The following AOAH variants were observed in gnomAD, a reference collection of about 807,000 sequenced individuals.
The protein encoded by AOAH is acyloxyacyl hydrolase, also known as acyloxyacyl hydrolase (neutrophil).
AOAH carries 64 observed loss-of-function variants against 92.2 expected under a neutral mutation model. That is an observed-to-expected ratio of 0.69 (90% CI 0.57 to 0.86). The LOEUF (loss-of-function observed/expected upper bound fraction) is 0.86. AOAH is among the 40% of genes least tolerant of loss of function. AOAH has a pLI of 0.00. For synonymous variants in AOAH, 263 were observed against 254.5 expected, an observed-to-expected ratio of 1.03 and a Z score of -0.32; for missense variants, 656 against 694.6, an observed-to-expected ratio of 0.94 and a Z score of 0.62.
intron 13 of AOAH, among the ~76,000 whole-genome samples, chr7:36,565,347 C>T (rs952935858): frequency 6.6e-6 from 1 of 152,146 alleles, no homozygotes; most frequent in Non-Finnish European, 1.5e-5. Context: ...GTTGGGCTCA[C>T]CAGATATTTA....
chr7:36,662,150 C>T (rs1795251380), intron 3 of AOAH, among the ~76,000 whole-genome samples: 1 of 152,140 alleles, frequency 6.6e-6, no homozygotes, highest in South Asian at 2.1e-4. Flanking sequence ...TGAAGCCCAT[C>T]ACAGAAAGGG....
intron 13 of AOAH, among the ~76,000 whole-genome samples, chr7:36,575,181 A>G (rs1450671884): frequency 1.3e-5 from 2 of 152,224 alleles, no homozygotes; most frequent in Admixed American, 1.3e-4. Context: ...GTAACTGTCC[A>G]TTAACTATTG....
chr7:36,570,791 TGGCAAGCTGGA>T (rs1788087157), intron 13 of AOAH, among the ~76,000 whole-genome samples: 1 of 152,194 alleles, frequency 6.6e-6, no homozygotes, highest in Admixed American at 6.5e-5. Context: ...GTTTTTCAGT[TGGCAAGCTGGA>T]TTCAGTTGGA....
At chr7:36,597,704 T>C (rs1790234414) in intron 11 of AOAH, 1 of 152,230 alleles carries the variant, frequency 6.6e-6, no homozygotes, top group Admixed American at 6.5e-5. Flanking sequence ...AGGTTTCTGA[T>C]TCTGTCTGGG....
chr7:36,700,309 T>C (rs1050842744), intron 1 of AOAH, among the ~76,000 whole-genome samples: 5 of 152,046 alleles, frequency 3.3e-5, no homozygotes, highest in Non-Finnish European at 7.4e-5. Context: ...ATTAAGTAAT[T>C]TCTCTTTCCT....
In AOAH at chr7:36,637,823, G is replaced by A. The variant is rs114359291; in HGVS notation, c.450+28C>T. 2,367 of 1,608,852 alleles carry A rather than the reference G, an allele frequency of 1.5e-3. 32 individuals are homozygous for A. In the African/African-American group the frequency reaches 0.029, roughly 19 times the overall value. Reference sequence around the variant, plus strand: ...TGAGAGAGGACATGCCAAGGAAAAGGCTGGCGTTCTACGTGCTTAGTGCTT... The same window carrying A: ...TGAGAGAGGACATGCCAAGGAAAAGACTGGCGTTCTACGTGCTTAGTGCTT... On this transcript the variant is annotated intron_variant, in intron 5 of 20. Transcript: ENST00000617537.
chr7:36,688,367 T>G (rs1797168181), intron 1 of AOAH, among the ~76,000 whole-genome samples: 1 of 152,190 alleles, frequency 6.6e-6, no homozygotes, highest in African/African-American at 2.4e-5. Context: ...ATAACCAATT[T>G]CACTTTTATT....
chr7:36,714,911 C>G (rs1272678007), intron 1 of AOAH, among the ~76,000 whole-genome samples: 2 of 152,140 alleles, frequency 1.3e-5, no homozygotes, highest in Non-Finnish European at 2.9e-5. Context: ...CCTTTGAAAA[C>G]GGGCATAAGA....
chr7:36,584,130 A>G (rs1315073450), intron 12 of AOAH, among the ~76,000 whole-genome samples: 1 of 152,242 alleles, frequency 6.6e-6, no homozygotes, highest in Non-Finnish European at 1.5e-5. Context: ...AGGATATACA[A>G]TGCTTTTTCG....
intron 20 of AOAH, among the ~76,000 whole-genome samples, chr7:36,518,807 A>T (rs984563172): frequency 6.6e-6 from 1 of 152,318 alleles, no homozygotes; most frequent in South Asian, 2.1e-4. Flanking sequence ...GTAATACAGC[A>T]TGATGCTTTA....
chr7:36,607,090 C>T (rs2115792803), intron 11 of AOAH, among the ~76,000 whole-genome samples: 2 of 152,276 alleles, frequency 1.3e-5, no homozygotes, highest in East Asian at 3.9e-4. Context: ...ACTACTTAAG[C>T]AGAGGATGGC....
chr7:36,517,170 C>CTTTG (rs1783780829), intron 20 of AOAH, among the ~76,000 whole-genome samples: 2 of 49,354 alleles, frequency 4.1e-5, no homozygotes, highest in African/African-American at 1.4e-4. Context: ...TTCTTTCTTT[C>CTTTG]TTTCTTTCTT....
intron 13 of AOAH, among the ~76,000 whole-genome samples, chr7:36,555,557 AT>A (rs1786641375): frequency 6.6e-6 from 1 of 152,106 alleles, no homozygotes; most frequent in Non-Finnish European, 1.5e-5. Flanking sequence ...TTCAGAAGGA[AT>A]GGTACCAGTT....
At chr7:36,529,928 A>G (rs1187094823) in intron 19 of AOAH, among the ~76,000 whole-genome samples, 1 of 152,212 alleles carries the variant, frequency 6.6e-6, no homozygotes, top group Non-Finnish European at 1.5e-5. Context: ...TCACTTTGCC[A>G]TGGGCAAGTT....
At chr7:36,532,078 G>A in intron 18 of AOAH, 69 bp downstream of exon 18, 1 of 1,578,830 alleles carries the variant, frequency 6.3e-7, no homozygotes, top group Non-Finnish European at 8.7e-7. Flanking sequence ...CATCCCCAGT[G>A]AAAACTCTGC....
intron 1 of AOAH, among the ~76,000 whole-genome samples, chr7:36,719,513 G>C (rs528002615): frequency 3.9e-5 from 6 of 152,314 alleles, no homozygotes; most frequent in African/African-American, 1.2e-4. Flanking sequence ...TCTTCCATGT[G>C]TTGGGAAGGT....
intron 19 of AOAH, among the ~76,000 whole-genome samples, chr7:36,525,703 G>A (rs763181172): frequency 1.3e-5 from 2 of 152,184 alleles, no homozygotes; most frequent in Admixed American, 6.5e-5. Flanking sequence ...GATTTTGTGT[G>A]TAGGATGATC....
At chr7:36,586,699 A>C (rs972463744) in intron 12 of AOAH, among the ~76,000 whole-genome samples, 2 of 152,194 alleles carry the variant, frequency 1.3e-5, no homozygotes, top group African/African-American at 4.8e-5. Flanking sequence ...TGCTTATGTG[A>C]GTTAAAGCTG....
intron 1 of AOAH, among the ~76,000 whole-genome samples, chr7:36,697,377 T>C (rs1053531811): frequency 6.6e-6 from 1 of 152,216 alleles, no homozygotes; most frequent in Non-Finnish European, 1.5e-5. Flanking sequence ...AGCATGCATT[T>C]TTAGGATAGA....
Sources: gnomAD v4.1 joint callset for allele counts (sites outside exome capture counted in the v4.1 genomes callset) on GRCh38, gnomAD v4.1.1 for gene constraint, MANE v1.5 for transcripts, NCBI Gene and HGNC (gene_info 2026-07-23, HGNC 2026-07-21) for gene names.